ZC3H12B: variants seen among roughly 807,000 people sequenced by gnomAD.
ZC3H12B encodes the protein probable ribonuclease ZC3H12B.
In ZC3H12B, 7 loss-of-function variants were observed where a neutral mutation model predicts 43.9. The observed-to-expected ratio is 0.16, with a 90% CI of 0.09 to 0.30. ZC3H12B has a LOEUF of 0.30. ZC3H12B is among the 10% of genes least tolerant of loss of function. The pLI is 1.00. For synonymous variants in ZC3H12B, 222 were observed against 241.7 expected, an observed-to-expected ratio of 0.92 and a Z score of 0.76; for missense variants, 475 against 670.2, an observed-to-expected ratio of 0.71 and a Z score of 3.22.
the ZC3H12B span, among the ~76,000 whole-genome samples, chrX:65,158,898 G>C: frequency 9.0e-6 from 1 of 111,635 alleles, no homozygotes; most frequent in African/African-American, 3.3e-5. Flanking sequence ...GGGTTTTTAT[G>C]GTTTTAGGTC....
chrX:65,437,560 A>G (rs940440788), intron 3 of ZC3H12B, among the ~76,000 whole-genome samples: 2 of 112,232 alleles, frequency 1.8e-5, no homozygotes, highest in Non-Finnish European at 3.8e-5. Context: ...AGAAATGTCT[A>G]TTCAAATCTT....
At chrX:65,099,770 T>C in the ZC3H12B span, among the ~76,000 whole-genome samples, 1 of 111,203 alleles carries the variant, frequency 9.0e-6, no homozygotes, top group Non-Finnish European at 1.9e-5. Context: ...TCCATGAAGA[T>C]GAGGAAAAAC....
At chrX:65,216,160 C>A in the ZC3H12B span, among the ~76,000 whole-genome samples, 473 of 111,720 alleles carry the variant, frequency 4.2e-3, 3 homozygotes, top group African/African-American at 0.015. Context: ...TTCATATGAA[C>A]CCAAAGCCAG....
intron 3 of ZC3H12B, among the ~76,000 whole-genome samples, chrX:65,439,641 C>T (rs997186665): frequency 8.9e-6 from 1 of 111,989 alleles, no homozygotes; most frequent in Admixed American, 9.4e-5. Context: ...AGAATGATTG[C>T]ATCCAGGCAT....
chrX:65,040,128 A>T, the ZC3H12B span, among the ~76,000 whole-genome samples: 3 of 111,349 alleles, frequency 2.7e-5, no homozygotes, highest in Non-Finnish European at 5.7e-5. Context: ...TTTGGAATTA[A>T]TTTTTCTTTC....
the ZC3H12B span, among the ~76,000 whole-genome samples, chrX:65,279,328 T>C: frequency 1.0e-5 from 1 of 100,334 alleles, no homozygotes. Flanking sequence ...TTTTTAACAA[T>C]AGCCATTCTG....
intron 3 of ZC3H12B, among the ~76,000 whole-genome samples, chrX:65,413,473 G>C (rs2066927339): frequency 9.0e-6 from 1 of 111,648 alleles, no homozygotes; most frequent in South Asian, 3.7e-4. Flanking sequence ...TTTATGGTGT[G>C]AAGTAGGGGT....
chrX:65,144,448 A>AT, the ZC3H12B span, among the ~76,000 whole-genome samples: 3 of 110,872 alleles, frequency 2.7e-5, no homozygotes, highest in Non-Finnish European at 5.7e-5. Flanking sequence ...TATCTTTTGT[A>AT]TTTTTTTGTT....
the ZC3H12B span, among the ~76,000 whole-genome samples, chrX:65,196,135 G>T: frequency 2.9e-5 from 1 of 34,569 alleles, no homozygotes; most frequent in African/African-American, 1.1e-4. Context: ...CCCACCCCCC[G>T]CAGCTAGTGC....
At chrX:65,117,451 A>G in the ZC3H12B span, among the ~76,000 whole-genome samples, 2 of 111,532 alleles carry the variant, frequency 1.8e-5, no homozygotes, top group Non-Finnish European at 3.8e-5. Flanking sequence ...TTTGTAGAAT[A>G]TGGATATTAG....
the ZC3H12B span, among the ~76,000 whole-genome samples, chrX:65,248,656 G>A: frequency 9.0e-6 from 1 of 111,518 alleles, no homozygotes; most frequent in African/African-American, 3.3e-5. Flanking sequence ...GAATCTTCAC[G>A]CTGTTTTCCA....
At chrX:65,226,600 A>T in the ZC3H12B span, among the ~76,000 whole-genome samples, 1 of 111,695 alleles carries the variant, frequency 9.0e-6, no homozygotes, top group African/African-American at 3.3e-5. Flanking sequence ...TTGGATAAAG[A>T]GTCAAGACCC....
At chrX:65,157,775 T>G in the ZC3H12B span, among the ~76,000 whole-genome samples, 1 of 108,750 alleles carries the variant, frequency 9.2e-6, no homozygotes, top group Admixed American at 9.7e-5. Flanking sequence ...CTTTTTTTTA[T>G]TTTATTATTA....
At chrX:65,458,922 C>A (rs2067682518) in intron 3 of ZC3H12B, among the ~76,000 whole-genome samples, 1 of 110,948 alleles carries the variant, frequency 9.0e-6, no homozygotes, top group Non-Finnish European at 1.9e-5. Context: ...AATCCAGGAG[C>A]TGGTTTTTTG....
At chrX:65,381,950 T>C (rs906308719) in intron 2 of ZC3H12B, among the ~76,000 whole-genome samples, 3 of 111,659 alleles carry the variant, frequency 2.7e-5, no homozygotes, top group African/African-American at 6.5e-5. Flanking sequence ...GCTGAAACTG[T>C]GGCAATAATC....
chrX:65,129,631 A>T, the ZC3H12B span, among the ~76,000 whole-genome samples: 2 of 111,183 alleles, frequency 1.8e-5, no homozygotes, highest in African/African-American at 3.3e-5. Context: ...GGCCATCTGG[A>T]TGTATATGCA....
chrX:65,077,168 C>T, the ZC3H12B span, among the ~76,000 whole-genome samples: 1 of 111,557 alleles, frequency 9.0e-6, no homozygotes, highest in South Asian at 3.8e-4. Flanking sequence ...TCTGATGGTG[C>T]TGCAGCACCC....
the ZC3H12B span, among the ~76,000 whole-genome samples, chrX:65,055,064 G>C: frequency 1.8e-5 from 2 of 111,075 alleles, no homozygotes. Flanking sequence ...TTTCCTAATT[G>C]AATACCCTTT....
chrX:65,200,348 C>T, the ZC3H12B span, among the ~76,000 whole-genome samples: 1 of 108,883 alleles, frequency 9.2e-6, no homozygotes, highest in Non-Finnish European at 1.9e-5. Flanking sequence ...CTGGATATTA[C>T]ACCTTTGTCA....
Sources: gnomAD v4.1 joint callset for allele counts (sites outside exome capture counted in the v4.1 genomes callset) on GRCh38, gnomAD v4.1.1 for gene constraint, MANE v1.5 for transcripts, NCBI Gene and HGNC (gene_info 2026-07-23, HGNC 2026-07-21) for gene names.